TCP11L1: variants seen among roughly 807,000 people sequenced by gnomAD.
The protein encoded by TCP11L1 is T-complex protein 11-like protein 1.
A neutral mutation model predicts 48.9 loss-of-function variants in TCP11L1; 28 were observed. That is an observed-to-expected ratio of 0.57 (90% CI 0.42 to 0.78). The LOEUF is 0.78. Among genes scored for constraint, TCP11L1 ranks in the 30% least tolerant of loss-of-function variants. The pLI is 0.00. For synonymous variants in TCP11L1, 204 were observed against 231.9 expected, an observed-to-expected ratio of 0.88 and a Z score of 1.09; for missense variants, 505 against 613.4, an observed-to-expected ratio of 0.82 and a Z score of 1.87.
At chr11:33,071,764 A>G (rs140242942) in intron 9 of TCP11L1, among the ~76,000 whole-genome samples, 1 of 152,328 alleles carries the variant, frequency 6.6e-6, no homozygotes. Context: ...ATGGCTAACA[A>G]TGGTCTCAGG....
At chr11:33,055,189 G>A (rs1285892591) in intron 3 of TCP11L1, among the ~76,000 whole-genome samples, 2 of 152,224 alleles carry the variant, frequency 1.3e-5, no homozygotes, top group African/African-American at 4.8e-5. Context: ...TTGATTTTAA[G>A]AAAGATCCAA....
At chr11:33,042,902 C>G (rs1345641153) in intron 1 of TCP11L1, among the ~76,000 whole-genome samples, 1 of 152,190 alleles carries the variant, frequency 6.6e-6, no homozygotes, top group African/African-American at 2.4e-5. Flanking sequence ...CCCATCTCTC[C>G]TAAAAATACA....
Position 33,058,117 on chromosome 11 carries a change from A to G in TCP11L1, c.616A>G (p.Lys206Glu). The change falls in exon 5 of 10, where the codon AAG (lysine) becomes GAG (glutamate). Residue 206 changes from lysine to glutamate, a missense_variant. By Grantham distance (56) the Lys-to-Glu change is moderately conservative. Around this residue, in one of 3 missense-constraint regions of TCP11L1, gnomAD observed 335 missense variants for 413.3 expected, o/e 0.81. Coordinates refer to ENST00000334274, the MANE Select transcript of TCP11L1 (RefSeq NM_018393.4). ...DEEVKKLKDI[K>E]EIVPLFREIF... ...GGAAGTTAAGAAACTAAAGGACATT[A>G]AGGAAATAGTGCCCCTTTTCAGGTA... is the stretch of plus-strand genomic sequence containing the variant. 2 of 1,613,704 alleles carry G rather than the reference A, an allele frequency of 1.2e-6. No homozygotes were observed. The highest frequency in any genetic ancestry group is 1.1e-5 in the South Asian group (1 of 91,062).
rs770935620 is a variant in TCP11L1, at chr11:33,043,931, C to T, written c.158C>T (p.Pro53Leu). 6.9e-6 allele frequency: 11 copies of T among 1,590,438 alleles called. No homozygotes were observed. The African/African-American group carries it at 1.4e-4, about 20-fold the overall frequency. The change falls in exon 2 of 10, where the codon CCT (proline) becomes CTT (leucine). Residue 53 changes from proline to leucine, a missense_variant. Coordinates refer to ENST00000334274, the MANE Select transcript of TCP11L1 (RefSeq NM_018393.4). ...TCCAGCCCCCAAAGAGTGCAGAGAC[C>T]TCACTGTAAGCAAATTTGACTTTGG... ...DSSSPQRVQR[P>L]HSSPPRFVTV...
At chr11:33,050,565 G>A (rs1030087487) in intron 2 of TCP11L1, among the ~76,000 whole-genome samples, 9 of 152,090 alleles carry the variant, frequency 5.9e-5, no homozygotes, top group African/African-American at 2.2e-4. Context: ...TATAGTCCCA[G>A]CTATTTGGGA....
At chr11:33,069,138 C>T in intron 9 of TCP11L1, among the ~76,000 whole-genome samples, 1 of 152,144 alleles carries the variant, frequency 6.6e-6, no homozygotes, top group East Asian at 1.9e-4. Flanking sequence ...CGAGTTTCCT[C>T]ATCTCTAAAG....
chr11:33,063,781 AT>A (rs1854533347), intron 7 of TCP11L1, among the ~76,000 whole-genome samples: 1 of 152,004 alleles, frequency 6.6e-6, no homozygotes, highest in South Asian at 2.1e-4. Flanking sequence ...TAAGTTCCTT[AT>A]TTTTCCTTTC....
rs1854465545 is a variant in TCP11L1, at chr11:33,061,533, C to G, written c.779C>G (p.Ser260Cys). The change falls in exon 7 of 10, where the codon TCC becomes TGC. Residue 260 changes from serine to cysteine, a missense_variant. Around this residue, in one of 3 missense-constraint regions of TCP11L1, gnomAD observed 335 missense variants for 413.3 expected, o/e 0.81. Coordinates refer to ENST00000334274, the MANE Select transcript of TCP11L1 (RefSeq NM_018393.4). ...TGTGCAGCTTTGTTTTTCACAGATT[C>G]CCTGGACTTTGTCACCCAGTGGCTG... ...FQEILERQPN[S>C]LDFVTQWLEE... 6.2e-7 allele frequency: 1 copy of G among 1,600,242 alleles called. No homozygotes were observed. The highest frequency in any genetic ancestry group is 2.2e-5 in the East Asian group (1 of 44,584).
chr11:33,043,080 C>A (rs1564972521), intron 1 of TCP11L1, among the ~76,000 whole-genome samples: 6 of 152,068 alleles, frequency 3.9e-5, no homozygotes, highest in Admixed American at 1.3e-4. Flanking sequence ...CAAAACAAAA[C>A]AAAAATTAGC....
intron 1 of TCP11L1, among the ~76,000 whole-genome samples, chr11:33,042,316 G>A (rs1590216759): frequency 6.6e-6 from 1 of 152,230 alleles, no homozygotes; most frequent in Non-Finnish European, 1.5e-5. Flanking sequence ...ATTTTTAGTG[G>A]AGACGGGGTT....
chr11:33,047,315 G>A (rs1241980130), intron 2 of TCP11L1, among the ~76,000 whole-genome samples: 1 of 152,060 alleles, frequency 6.6e-6, no homozygotes, highest in Non-Finnish European at 1.5e-5. Context: ...CTGATTTGAG[G>A]TGGTGATTTG....
At position 33,058,147 on chromosome 11, in the gene TCP11L1, A is replaced by G. The variant is rs749999048; in HGVS notation, c.638+8A>G. 6.2e-7 allele frequency: 1 copy of G among 1,607,578 alleles called. No individual in the cohort carries two copies. Among genetic ancestry groups the G allele is most frequent in the African/African-American group, 1.3e-5 (1 of 74,886 alleles). ...AATAGTGCCCCTTTTCAGGTATGGA[A>G]ATATGTTAATCATACTCCGTGCAAC... On this transcript the variant is annotated splice_region_variant and intron_variant, in intron 5 of 9. Transcript: ENST00000334274.
At chr11:33,044,200 G>A in intron 2 of TCP11L1, 1 of 311,848 alleles carries the variant, frequency 3.2e-6, no homozygotes, top group Non-Finnish European at 5.9e-6. Context: ...TCTCTGAAGT[G>A]CTCTGAGAAA....
chr11:33,053,973 G>A (rs1307845565), intron 2 of TCP11L1, among the ~76,000 whole-genome samples: 1 of 152,008 alleles, frequency 6.6e-6, no homozygotes, highest in East Asian at 1.9e-4. Context: ...GCACCACCAT[G>A]CCCGGTTAGT....
At chr11:33,072,401 T>C in intron 9 of TCP11L1, 73 bp from the exon 10 acceptor site, 1 of 1,534,934 alleles carries the variant, frequency 6.5e-7, no homozygotes, top group Admixed American at 1.7e-5. Context: ...ATGGTTAAGC[T>C]AAGAACTGAA....
intron 6 of TCP11L1, among the ~76,000 whole-genome samples, chr11:33,061,033 G>T (rs904451906): frequency 6.6e-6 from 1 of 152,176 alleles, no homozygotes; most frequent in African/African-American, 2.4e-5. Context: ...ACCACTCACT[G>T]CAACTTTAAC....
At chr11:33,046,524 G>T (rs927210341) in intron 2 of TCP11L1, among the ~76,000 whole-genome samples, 1 of 152,194 alleles carries the variant, frequency 6.6e-6, no homozygotes, top group Non-Finnish European at 1.5e-5. Context: ...GTTTGTATAT[G>T]CATGTTTTTA....
intron 2 of TCP11L1, 41 bp from the exon 3 acceptor site, chr11:33,054,552 A>C: frequency 6.3e-7 from 1 of 1,588,960 alleles, no homozygotes; most frequent in Middle Eastern, 1.7e-4. Context: ...AGAAATTCAG[A>C]TCCAGGGAAG....
chr11:33,066,008 T>G lies in TCP11L1; in HGVS notation c.1151T>G (p.Leu384Arg). ...AAGATTTTGCTAACAGATATGCACC[T>G]GCCGTAAGTGGAACTTTGATGCGTG... ...IVKILLTDMH[L>R]PSFHLKDVLT... The change falls in exon 8 of 10, where the codon CTG becomes CGG. Residue 384 changes from leucine to arginine, a missense_variant. Leu to Arg is a moderately radical substitution (Grantham distance 102). Transcript: ENST00000334274. 6.8e-6 allele frequency: 11 copies of G among 1,613,958 alleles called. No individual in the cohort carries two copies. Among genetic ancestry groups the G allele is most frequent in the Non-Finnish European group, 9.3e-6 (11 of 1,179,854 alleles).
Sources: allele counts gnomAD v4.1 joint callset (sites outside exome capture counted in the v4.1 genomes callset), GRCh38; gene constraint gnomAD v4.1.1; regional missense constraint gnomAD v4.1.1; transcripts MANE v1.5; gene names NCBI Gene and HGNC (gene_info 2026-07-23, HGNC 2026-07-21).